The following STARD13 variants were observed in gnomAD, a reference collection of about 807,000 sequenced individuals.
The protein encoded by STARD13 is stAR-related lipid transfer protein 13.
STARD13 carries 62 observed loss-of-function variants against 106.4 expected under a neutral mutation model. The ratio of observed to expected loss-of-function variants is 0.58; its 90% CI spans 0.48 to 0.72. The LOEUF (loss-of-function observed/expected upper bound fraction) is 0.72, where lower values mean the gene tolerates loss of function less well. Among genes scored for constraint, STARD13 ranks in the 30% least tolerant of loss-of-function variants. STARD13 has a pLI of 0.00. For missense variants in STARD13, 1,387 were observed against 1,424.0 expected (o/e 0.97, Z 0.42); for synonymous variants, 565 against 553.0 (o/e 1.02, Z -0.31).
At chr13:33,590,329 C>T in the STARD13 span, among the ~76,000 whole-genome samples, 1 of 152,054 alleles carries the variant, frequency 6.6e-6, no homozygotes, top group East Asian at 1.9e-4. Flanking sequence ...TATCATTTGA[C>T]CCAGCCATCC....
chr13:33,466,535 A>G, the STARD13 span, among the ~76,000 whole-genome samples: 1 of 152,194 alleles, frequency 6.6e-6, no homozygotes, highest in Non-Finnish European at 1.5e-5. Context: ...CAATATTTTA[A>G]TGCTAAGCTC....
chr13:33,534,617 AT>A, the STARD13 span, among the ~76,000 whole-genome samples: 10 of 152,096 alleles, frequency 6.6e-5, no homozygotes, highest in African/African-American at 2.4e-4. Flanking sequence ...TTTCTAATGT[AT>A]TTTTTTATAT....
At chr13:33,516,068 CAT>C in the STARD13 span, among the ~76,000 whole-genome samples, 1 of 150,686 alleles carries the variant, frequency 6.6e-6, no homozygotes, top group Non-Finnish European at 1.5e-5. Flanking sequence ...TATATATCCA[CAT>C]ATATATACAC....
intron 1 of STARD13, among the ~76,000 whole-genome samples, chr13:33,238,714 A>G (rs1889317239): frequency 6.6e-6 from 1 of 152,078 alleles, no homozygotes; most frequent in African/African-American, 2.4e-5. Context: ...TATCATCCTT[A>G]GGCTTGAGTT....
intron 1 of STARD13, among the ~76,000 whole-genome samples, chr13:33,304,889 T>C (rs959174357): frequency 2.0e-5 from 3 of 152,198 alleles, no homozygotes; most frequent in Admixed American, 2.0e-4. Flanking sequence ...TCATCTACCA[T>C]GGGTTTGAGG....
the STARD13 span, among the ~76,000 whole-genome samples, chr13:33,562,687 C>T: frequency 2.1e-5 from 3 of 146,188 alleles, no homozygotes; most frequent in Non-Finnish European, 3.0e-5. Context: ...TATAGAAAAA[C>T]GGTGGTCATT....
chr13:33,420,914 A>C, the STARD13 span, among the ~76,000 whole-genome samples: 2 of 152,240 alleles, frequency 1.3e-5, no homozygotes, highest in South Asian at 4.1e-4. Flanking sequence ...AATGAGAACA[A>C]AGACAAAACA....
the STARD13 span, among the ~76,000 whole-genome samples, chr13:33,443,008 A>C: frequency 6.6e-6 from 1 of 152,146 alleles, no homozygotes; most frequent in African/African-American, 2.4e-5. Context: ...CAAGATGAAG[A>C]GTTCTGGAGA....
At chr13:33,480,231 T>C in the STARD13 span, among the ~76,000 whole-genome samples, 1 of 152,192 alleles carries the variant, frequency 6.6e-6, no homozygotes, top group East Asian at 1.9e-4. Flanking sequence ...GGGGTGGAAG[T>C]AATAGAGATA....
At chr13:33,626,916 A>T in the STARD13 span, among the ~76,000 whole-genome samples, 1 of 152,214 alleles carries the variant, frequency 6.6e-6, no homozygotes, top group South Asian at 2.1e-4. Flanking sequence ...GCACTAGCAA[A>T]AAAATAAAAT....
At chr13:33,203,257 C>T (rs1227565031) in intron 1 of STARD13, among the ~76,000 whole-genome samples, 1 of 141,782 alleles carries the variant, frequency 7.1e-6, no homozygotes, top group East Asian at 2.1e-4. Flanking sequence ...CTTCTGATGT[C>T]CTTTGCAGTA....
intron 1 of STARD13, among the ~76,000 whole-genome samples, chr13:33,189,810 C>T (rs116169427): frequency 0.015 from 2,240 of 151,916 alleles, 51 homozygotes; most frequent in African/African-American, 0.051. Context: ...CATCCTTGCC[C>T]GGGTGATCCC....
intron 3 of STARD13, among the ~76,000 whole-genome samples, chr13:33,161,707 T>C (rs946285503): frequency 1.3e-5 from 2 of 152,208 alleles, no homozygotes; most frequent in Non-Finnish European, 2.9e-5. Flanking sequence ...TCAATTTTAC[T>C]TTATATATAT....
At chr13:33,511,002 T>C in the STARD13 span, among the ~76,000 whole-genome samples, 2 of 152,152 alleles carry the variant, frequency 1.3e-5, no homozygotes, top group Non-Finnish European at 2.9e-5. Context: ...ACCTAAATTT[T>C]TTTTTTCTGT....
At chr13:33,126,017 A>T (rs1809516915) in intron 7 of STARD13, 64 bp downstream of exon 7, 1 of 1,573,940 alleles carries the variant, frequency 6.4e-7, no homozygotes. Context: ...TCAGTCTGAC[A>T]TCCCCTCAAT....
chr13:33,298,623 A>C (rs928702909), intron 1 of STARD13, among the ~76,000 whole-genome samples: 3 of 152,164 alleles, frequency 2.0e-5, no homozygotes, highest in East Asian at 1.9e-4. Context: ...GTGCATATAC[A>C]TGTATATATG....
At chr13:33,605,238 C>CA in the STARD13 span, among the ~76,000 whole-genome samples, 11,267 of 84,520 alleles carry the variant, frequency 0.13, 585 homozygotes, top group Admixed American at 0.19. Context: ...GATCCTGTCT[C>CA]AAAAAAAAAA....
chr13:33,489,201 C>A, the STARD13 span, among the ~76,000 whole-genome samples: 1 of 152,156 alleles, frequency 6.6e-6, no homozygotes, highest in Non-Finnish European at 1.5e-5. Flanking sequence ...AATGATTAAT[C>A]AATTGATTAG....
the STARD13 span, among the ~76,000 whole-genome samples, chr13:33,429,638 T>C: frequency 6.6e-6 from 1 of 152,088 alleles, no homozygotes; most frequent in Non-Finnish European, 1.5e-5. Flanking sequence ...TGGAGATCAT[T>C]ATGTTAAGTG....
Sources: gnomAD v4.1 joint callset for allele counts (sites outside exome capture counted in the v4.1 genomes callset) on GRCh38, gnomAD v4.1.1 for gene constraint, MANE v1.5 for transcripts, NCBI Gene and HGNC (gene_info 2026-07-23, HGNC 2026-07-21) for gene names.